The following DLG2 variants were observed in gnomAD, a reference collection of about 807,000 sequenced individuals.
DLG2 encodes disks large homolog 2.
A neutral mutation model predicts 132.5 loss-of-function variants in DLG2; 45 were observed. The ratio of observed to expected loss-of-function variants is 0.34; its 90% confidence interval spans 0.27 to 0.44. The LOEUF is 0.44. Ranked by LOEUF, DLG2 falls within the 20% of genes least tolerant of loss-of-function variation. The pLI is 1.00. For missense variants in DLG2, 1,045 were observed against 1,196.9 expected, an observed-to-expected ratio of 0.87 and a Z score of 1.87; for synonymous variants, 424 against 419.6, an observed-to-expected ratio of 1.01 and a Z score of -0.13.
chr11:83,543,453 A>C (rs2096142090), intron 19 of DLG2, among the ~76,000 whole-genome samples: 1 of 152,170 alleles, frequency 6.6e-6, no homozygotes, highest in South Asian at 2.1e-4. Flanking sequence ...TAGTATGTGC[A>C]GTCTAGTGTA....
intron 6 of DLG2, among the ~76,000 whole-genome samples, chr11:85,009,038 C>T (rs532016596): frequency 6.6e-4 from 100 of 151,600 alleles, no homozygotes; most frequent in African/African-American, 1.9e-3. Flanking sequence ...AGTCCTAAGG[C>T]GGGAAATAGG....
chr11:84,553,377 G>A (rs1002017238), intron 6 of DLG2, among the ~76,000 whole-genome samples: 1 of 152,158 alleles, frequency 6.6e-6, no homozygotes, highest in Non-Finnish European at 1.5e-5. Flanking sequence ...ACTGATAAAT[G>A]TTATCAACCT....
rs111612093 is a variant in DLG2, at chr11:83,844,383, G to GA, written c.1566-10614dup. Among the ~76,000 whole-genome samples the GA allele has an allele frequency of 3.6e-3, 507 of 141,140 alleles. 1 individual carries two copies. The highest frequency in any genetic ancestry group is 0.012 in the African/African-American group (445 of 38,194). 92.6% of individuals were successfully genotyped at this position (141,140 alleles called of 152,430 possible). ...AACATGGTGAAACTCCATCTCTATTGAAAAAAAAAAAAAAATTAGCTGGGC... is the reference window on the plus strand; with the variant it reads ...AACATGGTGAAACTCCATCTCTATTGAAAAAAAAAAAAAAAATTAGCTGGGC... On this transcript the variant is annotated intron_variant, in intron 16 of 27. Transcript: ENST00000376104.
intron 17 of DLG2, among the ~76,000 whole-genome samples, chr11:83,822,767 T>G (rs1177554287): frequency 6.6e-6 from 1 of 152,184 alleles, no homozygotes; most frequent in Non-Finnish European, 1.5e-5. Flanking sequence ...ATTTCTCCAA[T>G]AAATTCTTTT....
In DLG2 at chr11:84,280,382, C is replaced by A. The variant is rs2097841648; in HGVS notation, c.520-29091G>T. Among the ~76,000 whole-genome samples, 3 of 151,768 alleles carry A rather than the reference C, an allele frequency of 2.0e-5. No homozygotes were observed. In the South Asian group the frequency reaches 6.2e-4, roughly 32 times the overall value. ...ATCCCGGGTTCAAGCAATTCTCATGCCTCAGCCTCCCAAATAGCTGGGACT... is the reference window on the plus strand; with the variant it reads ...ATCCCGGGTTCAAGCAATTCTCATGACTCAGCCTCCCAAATAGCTGGGACT... On this transcript the variant is annotated intron_variant, in intron 7 of 27. Coordinates refer to ENST00000376104, the MANE Select transcript of DLG2 (RefSeq NM_001142699.3).
At chr11:85,558,924 C>T (rs1374219259) in intron 3 of DLG2, among the ~76,000 whole-genome samples, 1 of 151,684 alleles carries the variant, frequency 6.6e-6, no homozygotes, top group African/African-American at 2.4e-5. Context: ...TGCATATGTA[C>T]CATCTGAATC....
chr11:85,119,859 G>A (rs1411603178), intron 5 of DLG2, among the ~76,000 whole-genome samples: 1 of 151,998 alleles, frequency 6.6e-6, no homozygotes, highest in Non-Finnish European at 1.5e-5. Flanking sequence ...AAGAGATTTA[G>A]CACACTTAAT....
intron 11 of DLG2, among the ~76,000 whole-genome samples, chr11:84,007,913 C>A (rs985827073): frequency 1.8e-4 from 27 of 151,620 alleles, no homozygotes; most frequent in Non-Finnish European, 3.4e-4. Context: ...GTATAAGTTC[C>A]AGTATTGAAA....
chr11:85,171,787 G>A (rs1023519675), intron 4 of DLG2, among the ~76,000 whole-genome samples: 1 of 152,218 alleles, frequency 6.6e-6, no homozygotes, highest in Non-Finnish European at 1.5e-5. Context: ...CAGCTCCAGG[G>A]AGTCCAGGCT....
intron 9 of DLG2, among the ~76,000 whole-genome samples, chr11:84,133,154 C>T (rs57880479): frequency 0.024 from 3,600 of 152,022 alleles, 143 homozygotes; most frequent in African/African-American, 0.082. Context: ...AATACTTTTC[C>T]CTCAAATGTT....
chr11:83,811,828 G>C (rs896726535), intron 17 of DLG2, among the ~76,000 whole-genome samples: 1 of 152,036 alleles, frequency 6.6e-6, no homozygotes, highest in African/African-American at 2.4e-5. Context: ...ATATATTACT[G>C]AGCAAAAGAT....
chr11:85,611,945 A>C (rs1230092457), intron 2 of DLG2, among the ~76,000 whole-genome samples: 1 of 152,172 alleles, frequency 6.6e-6, no homozygotes, highest in Non-Finnish European at 1.5e-5. Flanking sequence ...AGGAAGAGAC[A>C]GAGATATAGA....
chr11:84,987,398 T>C (rs2056614746), intron 6 of DLG2, among the ~76,000 whole-genome samples: 4 of 151,810 alleles, frequency 2.6e-5, no homozygotes, highest in African/African-American at 9.7e-5. Context: ...TCATCATTCC[T>C]CACAGAATTA....
At chr11:85,396,846 A>C (rs2087429773) in intron 3 of DLG2, among the ~76,000 whole-genome samples, 1 of 152,102 alleles carries the variant, frequency 6.6e-6, no homozygotes, top group South Asian at 2.1e-4. Flanking sequence ...CAAGTTAGAA[A>C]ACACTCTTCA....
chr11:84,034,335 T>C (rs530706728), intron 11 of DLG2, among the ~76,000 whole-genome samples: 3 of 152,252 alleles, frequency 2.0e-5, no homozygotes, highest in South Asian at 4.1e-4. Flanking sequence ...GCATACTCAA[T>C]AGACTACAGT....
intron 10 of DLG2, among the ~76,000 whole-genome samples, chr11:84,090,630 C>A (rs2097075799): frequency 6.6e-6 from 1 of 152,078 alleles, no homozygotes; most frequent in African/African-American, 2.4e-5. Flanking sequence ...ACACTGACAA[C>A]ATATTGCAAA....
chr11:85,572,459 A>C (rs1473178670), intron 3 of DLG2, among the ~76,000 whole-genome samples: 1 of 152,166 alleles, frequency 6.6e-6, no homozygotes, highest in African/African-American at 2.4e-5. Context: ...GGAACTCAAA[A>C]TGTATTTCAT....
intron 18 of DLG2, among the ~76,000 whole-genome samples, chr11:83,779,094 TATG>T (rs776243898): frequency 2.6e-4 from 39 of 152,296 alleles, no homozygotes; most frequent in Admixed American, 7.2e-4. Context: ...CAAATTAGAA[TATG>T]ATAACTAGAT....
At chr11:83,880,066 T>A (rs57912895) in intron 15 of DLG2, among the ~76,000 whole-genome samples, 1,935 of 152,266 alleles carry the variant, frequency 0.013, 32 homozygotes, top group South Asian at 0.073. Flanking sequence ...TTGAGTGTCT[T>A]GGCTTGGCCA....
Sources: gnomAD v4.1 joint callset for allele counts (sites outside exome capture counted in the v4.1 genomes callset) on GRCh38, gnomAD v4.1.1 for gene constraint, MANE v1.5 for transcripts, NCBI Gene and HGNC (gene_info 2026-07-23, HGNC 2026-07-21) for gene names.